Variants in CFAP91 observed in about 807,000 individuals in gnomAD.
CFAP91 encodes cilia- and flagella-associated protein 91.
CFAP91 carries 85 observed loss-of-function variants against 95.9 expected under a neutral mutation model. The observed-to-expected ratio is 0.89, with a 90% confidence interval of 0.74 to 1.06. The LOEUF (loss-of-function observed/expected upper bound fraction) is 1.06. CFAP91 is among the 50% of genes least tolerant of loss of function. The pLI, the probability that CFAP91 is intolerant of heterozygous loss-of-function variation, is 0.00. For missense variants in CFAP91, 962 were observed against 943.4 expected (o/e 1.02, Z -0.26); for synonymous variants, 335 against 327.5 (o/e 1.02, Z -0.25).
chr3:119,711,255 C>T (rs1258674757), intron 5 of CFAP91, among the ~76,000 whole-genome samples: 1 of 152,138 alleles, frequency 6.6e-6, no homozygotes, highest in Non-Finnish European at 1.5e-5. Context: ...TACAGATTCC[C>T]TGCTCTCCCT....
chr3:119,706,517 G>A (rs750054888), intron 1 of CFAP91: 49 of 290,464 alleles, frequency 1.7e-4, no homozygotes, highest in Non-Finnish European at 2.7e-4. Flanking sequence ...AGAGAAGAAA[G>A]TGTGTTCAGG....
intron 6 of CFAP91, among the ~76,000 whole-genome samples, chr3:119,723,842 T>C (rs2053729723): frequency 6.6e-6 from 1 of 152,118 alleles, no homozygotes; most frequent in Non-Finnish European, 1.5e-5. Flanking sequence ...ATTAAATGCA[T>C]TAGAAAAGTG....
At chr3:119,719,060 A>G (rs1400293508) in intron 6 of CFAP91, among the ~76,000 whole-genome samples, 1 of 152,232 alleles carries the variant, frequency 6.6e-6, no homozygotes, top group Non-Finnish European at 1.5e-5. Flanking sequence ...AGAATGGATG[A>G]ATGAAATATA....
At chr3:119,753,292 C>G (rs1259626904) in intron 17 of CFAP91, among the ~76,000 whole-genome samples, 1 of 151,996 alleles carries the variant, frequency 6.6e-6, no homozygotes, top group East Asian at 1.9e-4. Context: ...CCCTGGTAAA[C>G]CTTCTTCATT....
chr3:119,739,183 T>A, intron 11 of CFAP91, 72 bp from the exon 12 acceptor site: 1 of 1,289,788 alleles, frequency 7.8e-7, no homozygotes. Context: ...TTGAAATAAG[T>A]CTTCAAAAGA....
intron 4 of CFAP91, among the ~76,000 whole-genome samples, chr3:119,709,498 T>C (rs1194939058): frequency 9.2e-5 from 14 of 152,256 alleles, no homozygotes; most frequent in Admixed American, 9.2e-4. Context: ...TGGGAACTAA[T>C]GGCCAGCTGA....
At chr3:119,710,696 T>C (rs944880230) in intron 5 of CFAP91, among the ~76,000 whole-genome samples, 1 of 152,322 alleles carries the variant, frequency 6.6e-6, no homozygotes, top group African/African-American at 2.4e-5. Flanking sequence ...AACAAATCAG[T>C]CATGTAATAT....
At chr3:119,731,469 G>A (rs892582038) in intron 8 of CFAP91, among the ~76,000 whole-genome samples, 2 of 152,144 alleles carry the variant, frequency 1.3e-5, no homozygotes, top group African/African-American at 4.8e-5. Flanking sequence ...ATCAACATTT[G>A]TTTCAGTACT....
intron 17 of CFAP91, among the ~76,000 whole-genome samples, chr3:119,752,982 A>C (rs1025892947): frequency 6.6e-6 from 1 of 152,208 alleles, no homozygotes. Flanking sequence ...AGAATGACAG[A>C]TGTGAGATTA....
chr3:119,734,175 A>ATGC (rs2053956617), intron 10 of CFAP91, among the ~76,000 whole-genome samples: 1 of 152,108 alleles, frequency 6.6e-6, no homozygotes, highest in South Asian at 2.1e-4. Context: ...TTTCCCGGTG[A>ATGC]TGCTGCTGCT....
intron 6 of CFAP91, among the ~76,000 whole-genome samples, chr3:119,719,279 A>G (rs969055636): frequency 1.3e-5 from 2 of 152,194 alleles, no homozygotes; most frequent in Non-Finnish European, 2.9e-5. Flanking sequence ...AATGGTAGCT[A>G]TCCTTGGGAC....
chr3:119,733,247 A>T, intron 9 of CFAP91, 117 bp from the exon 10 acceptor site: 1 of 952,038 alleles, frequency 1.1e-6, no homozygotes. Flanking sequence ...TATGAGATAC[A>T]CCCTCTCAAC....
intron 6 of CFAP91, among the ~76,000 whole-genome samples, chr3:119,725,628 A>G (rs1301721444): frequency 1.3e-5 from 2 of 152,026 alleles, no homozygotes; most frequent in African/African-American, 2.4e-5. Flanking sequence ...GTGGTGGCAC[A>G]TGCCAGTAGT....
rs199894922 is a variant in CFAP91 at position 119,740,571 on chromosome 3, G to A, written c.1556G>A (p.Arg519Gln). ...CAGATGTTTGAAGGGAAAGAAAAGC[G>A]ACTGGAGTTGATCCAGGAGTTGCGC... ...QNMMFEGKEK[R>Q]LELIQELRTC... The change falls in exon 13 of 18, where the codon CGA becomes CAA. Residue 519 changes from arginine (R) to glutamine (Q), a missense_variant. Transcript: ENST00000273390. The A allele has an allele frequency of 3.3e-4, 525 of 1,613,714 alleles. 6 individuals are homozygous for A. In the South Asian group the frequency reaches 4.7e-3, roughly 15 times the overall value.
In CFAP91 at chr3:119,724,338, G is replaced by A. The variant is rs946260704; in HGVS notation, c.683-1833G>A. Among the ~76,000 whole-genome samples, 4 of 152,166 alleles carry A rather than the reference G, an allele frequency of 2.6e-5. No homozygotes were observed. In the East Asian group the frequency reaches 7.7e-4, roughly 29 times the overall value. The stretch of plus-strand genomic sequence containing the variant: ...TGGGGAAATGGGAGAAGGGAATGGG[G>A]CTCAATGTGGTAGTTAAAAGGTACA... On this transcript the variant is annotated intron_variant, in intron 6 of 17. Coordinates refer to ENST00000273390, the MANE Select transcript of CFAP91 (RefSeq NM_033364.4).
intron 16 of CFAP91, 53 bp from the exon 17 acceptor site, chr3:119,750,884 A>C: frequency 1.9e-6 from 3 of 1,597,992 alleles, no homozygotes; most frequent in Non-Finnish European, 2.6e-6. Context: ...AACATTTGGG[A>C]ATGGTTTTGT....
intron 13 of CFAP91, among the ~76,000 whole-genome samples, chr3:119,743,381 G>T (rs2054158791): frequency 6.6e-6 from 1 of 152,100 alleles, no homozygotes; most frequent in Non-Finnish European, 1.5e-5. Flanking sequence ...GCCTCCCAAA[G>T]TGCTGGGATT....
chr3:119,706,800 A>G lies in CFAP91; in HGVS notation c.125-9A>G, dbSNP rs779484105. ...TATCTGTTATGCTACTTGATTGTTT[A>G]TTTTGCAGATCCATTGTTTATTGTG... On this transcript the variant is annotated splice_polypyrimidine_tract_variant and intron_variant, in intron 1 of 17. Coordinates refer to ENST00000273390, the MANE Select transcript of CFAP91 (RefSeq NM_033364.4). 1 of 1,607,930 alleles carries G rather than the reference A, an allele frequency of 6.2e-7. No individual in the cohort carries two copies. Among genetic ancestry groups the G allele is most frequent in the Admixed American group, 1.7e-5 (1 of 59,966 alleles).
chr3:119,738,332 C>CTTTGTTTTTTTTTTTTTTTTTTTT (rs2054049744), intron 11 of CFAP91, among the ~76,000 whole-genome samples: 1 of 23,040 alleles, frequency 4.3e-5, no homozygotes, highest in Non-Finnish European at 1.1e-4. Flanking sequence ...GACATATTGT[C>CTTTGTTTTTTTTTTTTTTTTTTTT]TTTTTTTTTT....
Sources: gnomAD v4.1 joint callset for allele counts (sites outside exome capture counted in the v4.1 genomes callset) on GRCh38, gnomAD v4.1.1 for gene constraint, MANE v1.5 for transcripts, NCBI Gene and HGNC (gene_info 2026-07-23, HGNC 2026-07-21) for gene names.